The following LRRC7 variants were observed in gnomAD, a reference collection of about 807,000 sequenced individuals.
The protein encoded by LRRC7 is leucine-rich repeat-containing protein 7.
LRRC7 carries 23 observed loss-of-function variants against 175.7 expected under a neutral mutation model. The observed-to-expected ratio is 0.13, with a 90% CI of 0.09 to 0.19. LRRC7 has a LOEUF of 0.19. Ranked by LOEUF, LRRC7 falls within the 10% of genes least tolerant of loss-of-function variation. The pLI is 1.00. For synonymous variants in LRRC7, 685 were observed against 680.9 expected (o/e 1.01, Z -0.09); for missense variants, 1,354 against 1,904.7 (o/e 0.71, Z 5.38).
Position 69,781,766 on chromosome 1 carries a change from A to AG in LRRC7, c.304-10277_304-10276insG, listed in dbSNP as rs1491504182. Among the ~76,000 whole-genome samples, 128 of 43,246 alleles carry AG rather than the reference A, an allele frequency of 3.0e-3. 4 individuals are homozygous for AG. Among genetic ancestry groups the AG allele is most frequent in the East Asian group, 6.2e-3 (7 of 1,132 alleles). The allele number at this position is 43,246 out of a possible 152,430, so 28.4% of individuals were successfully genotyped here. On this transcript the variant is annotated intron_variant, in intron 3 of 26. Transcript: ENST00000651989. ...GAGAGAGAGAGAGAGAGAGAGAGAG[A>AG]AAGAAAGAAAGAAAGAAAGAAAGGA... is the stretch of plus-strand genomic sequence containing the variant.
rs1659699360 is a variant in LRRC7, at chr1:70,039,765, G to C, written c.3941G>C (p.Arg1314Thr). ...MPADWRQQLL[R>T]HIEARRLDRN... ...GCAGACTGGAGACAACAGCTGCTTAGACATATAGAAGCTAGACGGTTAGAC... is the reference window on the plus strand; with the variant it reads ...GCAGACTGGAGACAACAGCTGCTTACACATATAGAAGCTAGACGGTTAGAC... Residue 1314 changes from arginine (R) to threonine (T), a missense_variant, in exon 21 of 27, where the codon AGA (arginine) becomes ACA (threonine). Arg to Thr is a moderately conservative substitution (Grantham distance 71). Coordinates refer to ENST00000651989, the MANE Select transcript of LRRC7 (RefSeq NM_001370785.2). 3.7e-6 allele frequency: 6 copies of C among 1,607,440 alleles called. No homozygotes were observed. The highest frequency in any genetic ancestry group is 5.1e-6 in the Non-Finnish European group (6 of 1,177,552).
At chr1:69,658,121 G>A (rs1429624133) in intron 1 of LRRC7, among the ~76,000 whole-genome samples, 1 of 151,828 alleles carries the variant, frequency 6.6e-6, no homozygotes, top group African/African-American at 2.4e-5. Flanking sequence ...TAACAGAAGT[G>A]TTAGAGATTT....
chr1:69,965,300 T>C (rs979721836), intron 8 of LRRC7, among the ~76,000 whole-genome samples: 1 of 152,208 alleles, frequency 6.6e-6, no homozygotes, highest in African/African-American at 2.4e-5. Context: ...TTTCAGATCA[T>C]CTTGGATACT....
intron 24 of LRRC7, among the ~76,000 whole-genome samples, chr1:70,078,976 G>C (rs17131185): frequency 0.026 from 3,888 of 151,954 alleles, 197 homozygotes; most frequent in African/African-American, 0.09. Context: ...TCTACAAATA[G>C]AAAAACAAAC....
At chr1:70,000,428 A>G (rs1009720653) in intron 11 of LRRC7, among the ~76,000 whole-genome samples, 1 of 152,226 alleles carries the variant, frequency 6.6e-6, no homozygotes, top group African/African-American at 2.4e-5. Context: ...AGATTACACC[A>G]TCTAGGTTTG....
At chr1:70,064,338 AG>A (rs1558038558) in intron 23 of LRRC7, among the ~76,000 whole-genome samples, 1 of 152,042 alleles carries the variant, frequency 6.6e-6, no homozygotes, top group Admixed American at 6.6e-5. Flanking sequence ...CAGTACATAC[AG>A]TAGGCACTGT....
At chr1:69,600,470 T>C (rs949657637) in intron 1 of LRRC7, among the ~76,000 whole-genome samples, 4 of 152,158 alleles carry the variant, frequency 2.6e-5, no homozygotes, top group African/African-American at 9.7e-5. Context: ...ACTGGGATTG[T>C]GTTATTTTTG....
At chr1:69,746,717 A>T (rs958986940) in intron 2 of LRRC7, among the ~76,000 whole-genome samples, 1 of 152,116 alleles carries the variant, frequency 6.6e-6, no homozygotes, top group Non-Finnish European at 1.5e-5. Flanking sequence ...CTAGAGATTG[A>T]CAAGAAAACA....
chr1:69,782,986 T>A (rs544182760), intron 3 of LRRC7, among the ~76,000 whole-genome samples: 45 of 152,216 alleles, frequency 3.0e-4, no homozygotes, highest in Non-Finnish European at 5.9e-4. Context: ...ATCCAAACAC[T>A]TCCTACAGGA....
intron 3 of LRRC7, among the ~76,000 whole-genome samples, chr1:69,781,732 A>G (rs1184430516): frequency 3.2e-5 from 1 of 30,928 alleles, no homozygotes; most frequent in Non-Finnish European, 5.7e-5. Flanking sequence ...AGAAAGAAAG[A>G]AAGAGAGAGA....
chr1:69,605,310 G>A (rs181086122), intron 1 of LRRC7, among the ~76,000 whole-genome samples: 1 of 152,232 alleles, frequency 6.6e-6, no homozygotes, highest in East Asian at 1.9e-4. Flanking sequence ...GGCCTCTCCA[G>A]CCACATGAAA....
chr1:70,099,543 C>G (rs1315454518), intron 25 of LRRC7, among the ~76,000 whole-genome samples: 2 of 152,000 alleles, frequency 1.3e-5, no homozygotes, highest in African/African-American at 4.8e-5. Flanking sequence ...TCCCTGTTTG[C>G]AGATGACATG....
At chr1:70,114,398 T>C (rs1330320757) in intron 26 of LRRC7, among the ~76,000 whole-genome samples, 1 of 152,166 alleles carries the variant, frequency 6.6e-6, no homozygotes, top group Non-Finnish European at 1.5e-5. Context: ...GCACAGTGGC[T>C]CACACCTGTA....
intron 2 of LRRC7, among the ~76,000 whole-genome samples, chr1:69,738,660 A>T (rs1158790330): frequency 6.6e-6 from 1 of 152,080 alleles, no homozygotes; most frequent in Non-Finnish European, 1.5e-5. Context: ...AAAAAGAAAG[A>T]CTATTTTTAT....
chr1:69,733,968 G>A (rs964596887), intron 2 of LRRC7, among the ~76,000 whole-genome samples: 6 of 151,934 alleles, frequency 3.9e-5, no homozygotes, highest in African/African-American at 1.4e-4. Context: ...ACTATAAATA[G>A]GAGTTTGAGT....
At chr1:69,800,861 G>C (rs1676397167) in intron 4 of LRRC7, among the ~76,000 whole-genome samples, 1 of 151,848 alleles carries the variant, frequency 6.6e-6, no homozygotes, top group African/African-American at 2.4e-5. Flanking sequence ...TGTGGTGTTG[G>C]CTGTGGGTTT....
At chr1:69,922,815 TTTA>T (rs1207677199) in intron 7 of LRRC7, among the ~76,000 whole-genome samples, 2 of 151,938 alleles carry the variant, frequency 1.3e-5, no homozygotes, top group African/African-American at 2.4e-5. Context: ...ATTTTTTTAT[TTTA>T]TTATTATTAT....
Position 70,079,321 on chromosome 1 carries a change from G to A in LRRC7, c.4452+3023G>A, listed in dbSNP as rs1038560714. Among the ~76,000 whole-genome samples the A allele has an allele frequency of 3.3e-5, 5 of 152,164 alleles. No homozygotes were observed. In the South Asian group the frequency reaches 6.2e-4, roughly 19 times the overall value. ...AGTCTATTTTAATAAGACATTTCTA[G>A]TGGTGCTATAAAAGAGCCATAAAGA... On this transcript the variant is annotated intron_variant, in intron 24 of 26. Coordinates refer to ENST00000651989, the MANE Select transcript of LRRC7 (RefSeq NM_001370785.2).
chr1:69,889,094 A>G (rs1253946813), intron 7 of LRRC7, among the ~76,000 whole-genome samples: 1 of 152,210 alleles, frequency 6.6e-6, no homozygotes, highest in Admixed American at 6.5e-5. Context: ...AAAATACTTT[A>G]TTGCTAAAAA....
Sources: gnomAD v4.1 joint callset for allele counts (sites outside exome capture counted in the v4.1 genomes callset) on GRCh38, gnomAD v4.1.1 for gene constraint, MANE v1.5 for transcripts, NCBI Gene and HGNC (gene_info 2026-07-23, HGNC 2026-07-21) for gene names.